Variants in LYPLAL1 observed in about 807,000 individuals in gnomAD.
LYPLAL1 encodes the protein lysophospholipase-like protein 1.
A neutral mutation model predicts 19.7 loss-of-function variants in LYPLAL1; 23 were observed. The ratio of observed to expected loss-of-function variants is 1.17; its 90% CI spans 0.84 to 1.65. LYPLAL1 has a LOEUF of 1.65. Among genes scored for constraint, LYPLAL1 ranks in the 40% most tolerant of loss-of-function variants. The pLI is 0.00. For synonymous variants in LYPLAL1, 119 were observed against 96.3 expected, an observed-to-expected ratio of 1.24 and a Z score of -1.38; for missense variants, 355 against 279.4, an observed-to-expected ratio of 1.27 and a Z score of -1.93.
At chr1:219,324,763 A>G in the LYPLAL1 span, among the ~76,000 whole-genome samples, 1 of 152,088 alleles carries the variant, frequency 6.6e-6, no homozygotes, top group South Asian at 2.1e-4. Flanking sequence ...GAAGAGTTGC[A>G]AAGTAAAAGT....
chr1:219,378,818 A>G, the LYPLAL1 span, among the ~76,000 whole-genome samples: 3 of 152,158 alleles, frequency 2.0e-5, no homozygotes, highest in African/African-American at 7.2e-5. Context: ...GAGAGTAAAG[A>G]TAGACAATAG....
chr1:219,264,927 T>C, the LYPLAL1 span, among the ~76,000 whole-genome samples: 2 of 152,350 alleles, frequency 1.3e-5, no homozygotes, highest in South Asian at 4.1e-4. Context: ...TTATACACAT[T>C]ACGTCGCCAA....
At chr1:219,219,046 A>T in the LYPLAL1 span, among the ~76,000 whole-genome samples, 2 of 152,128 alleles carry the variant, frequency 1.3e-5, no homozygotes, top group Admixed American at 1.3e-4. Context: ...CACGGATTCC[A>T]CTTTGGCCTG....
chr1:219,288,799 A>G, the LYPLAL1 span, among the ~76,000 whole-genome samples: 4 of 151,304 alleles, frequency 2.6e-5, no homozygotes, highest in South Asian at 8.5e-4. Context: ...CAATGTTGCC[A>G]TAAACTTAAA....
At chr1:219,317,467 A>T in the LYPLAL1 span, among the ~76,000 whole-genome samples, 4 of 152,148 alleles carry the variant, frequency 2.6e-5, no homozygotes, top group South Asian at 8.3e-4. Flanking sequence ...TCTTTAGAAA[A>T]GCAAATAATC....
the LYPLAL1 span, among the ~76,000 whole-genome samples, chr1:219,366,706 G>A: frequency 2.6e-5 from 4 of 152,146 alleles, no homozygotes; most frequent in Non-Finnish European, 5.9e-5. Flanking sequence ...GCTGGAGCAG[G>A]AAGCATATTC....
chr1:219,207,464 T>A (rs554273012), intron 3 of LYPLAL1, among the ~76,000 whole-genome samples: 4 of 152,058 alleles, frequency 2.6e-5, no homozygotes, highest in East Asian at 3.8e-4. Context: ...TAGGTTTTTT[T>A]AAGCTTTACT....
rs936584661 is a variant in LYPLAL1 at position 219,193,026 on chromosome 1, A to G, written c.192-56A>G. On this transcript the variant is annotated intron_variant, in intron 2 of 4. Transcript: ENST00000366928. ...TATTATTTTGGTAATTAAAGCATCCATTTTCATATTCCCTTTTCCTTTCTT... is the reference window on the plus strand; with the variant it reads ...TATTATTTTGGTAATTAAAGCATCCGTTTTCATATTCCCTTTTCCTTTCTT... The G allele has an allele frequency of 3.4e-6, 5 of 1,465,806 alleles. No homozygotes were observed. The African/African-American group carries it at 4.5e-5, about 13-fold the overall frequency. The allele number at this position is 1,465,806 out of a possible 1,614,324, so 90.8% of individuals were successfully genotyped here.
the LYPLAL1 span, among the ~76,000 whole-genome samples, chr1:219,322,160 A>G: frequency 6.6e-6 from 1 of 152,150 alleles, no homozygotes; most frequent in Admixed American, 6.6e-5. Flanking sequence ...CCTCAGTACA[A>G]TTATGGCCAG....
At chr1:219,307,991 T>C in the LYPLAL1 span, among the ~76,000 whole-genome samples, 1 of 152,200 alleles carries the variant, frequency 6.6e-6, no homozygotes, top group Non-Finnish European at 1.5e-5. Flanking sequence ...TGAGAAAGTT[T>C]GGAACTTCCT....
chr1:219,409,352 G>T, the LYPLAL1 span, among the ~76,000 whole-genome samples: 1 of 152,040 alleles, frequency 6.6e-6, no homozygotes, highest in Non-Finnish European at 1.5e-5. Flanking sequence ...TGGAGGCTGA[G>T]GTGGGAGGAA....
chr1:219,356,432 G>A, the LYPLAL1 span, among the ~76,000 whole-genome samples: 8 of 152,260 alleles, frequency 5.3e-5, no homozygotes, highest in African/African-American at 1.7e-4. Flanking sequence ...CCCGGGAGGC[G>A]GAGGTCGCAG....
intron 3 of LYPLAL1, 21 bp from the exon 4 acceptor site, chr1:219,210,511 T>TTCTTTC (rs1558246368): frequency 6.9e-7 from 1 of 1,441,014 alleles, no homozygotes; most frequent in Non-Finnish European, 9.6e-7. Flanking sequence ...ATTCTACTTT[T>TTCTTTC]AAGTATGTTT....
chr1:219,252,266 C>T, the LYPLAL1 span, among the ~76,000 whole-genome samples: 1 of 151,952 alleles, frequency 6.6e-6, no homozygotes, highest in African/African-American at 2.4e-5. Flanking sequence ...TTTGGATGCC[C>T]TTTATTTCTT....
the LYPLAL1 span, among the ~76,000 whole-genome samples, chr1:219,376,130 T>C: frequency 6.6e-6 from 1 of 152,158 alleles, no homozygotes; most frequent in Non-Finnish European, 1.5e-5. Flanking sequence ...GTATATTTTA[T>C]CACGTAAAGA....
At chr1:219,328,273 T>C in the LYPLAL1 span, among the ~76,000 whole-genome samples, 1 of 152,216 alleles carries the variant, frequency 6.6e-6, no homozygotes, top group South Asian at 2.1e-4. Flanking sequence ...TCCAGTTTTC[T>C]TGGCACTTTT....
chr1:219,411,626 C>T, the LYPLAL1 span: 11 of 152,320 alleles, frequency 7.2e-5, no homozygotes, highest in Admixed American at 3.3e-4. Context: ...TCCCCTTCCC[C>T]ACTGTGGAAG....
intron 3 of LYPLAL1, 52 bp downstream of exon 3, chr1:219,193,303 TA>T: frequency 7.0e-7 from 1 of 1,424,362 alleles, no homozygotes; most frequent in Non-Finnish European, 9.7e-7. Flanking sequence ...TGTCTAATTC[TA>T]TACATCAAAT....
chr1:219,442,936 T>C, the LYPLAL1 span, among the ~76,000 whole-genome samples: 1 of 152,178 alleles, frequency 6.6e-6, no homozygotes, highest in East Asian at 1.9e-4. Flanking sequence ...ATCCCAGTTA[T>C]TTTCTTTCTT....
Sources: gnomAD v4.1 joint callset for allele counts (sites outside exome capture counted in the v4.1 genomes callset) on GRCh38, gnomAD v4.1.1 for gene constraint, MANE v1.5 for transcripts, NCBI Gene and HGNC (gene_info 2026-07-23, HGNC 2026-07-21) for gene names.